The following NXPH4 variants were observed in gnomAD, a reference collection of about 807,000 sequenced individuals.
The protein encoded by NXPH4 is neurexophilin-4.
A neutral mutation model predicts 21.3 loss-of-function variants in NXPH4; 8 were observed. The observed-to-expected ratio is 0.38, with a 90% CI of 0.22 to 0.68. The LOEUF is 0.68. Among genes scored for constraint, NXPH4 ranks in the 30% least tolerant of loss-of-function variants. The pLI, the probability that NXPH4 is intolerant of heterozygous loss-of-function variation, is 0.53. For missense variants in NXPH4, 418 were observed against 416.8 expected, an observed-to-expected ratio of 1.00 and a Z score of -0.03; for synonymous variants, 219 against 192.6, an observed-to-expected ratio of 1.14 and a Z score of -1.13.
At chr12:57,223,524 C>T (rs994989135) in intron 1 of NXPH4, among the ~76,000 whole-genome samples, 3 of 152,180 alleles carry the variant, frequency 2.0e-5, no homozygotes, top group African/African-American at 4.8e-5. Context: ...CGGCCACACA[C>T]ACACAACCAT....
rs1565764176 is a variant in NXPH4 at position 57,224,953 on chromosome 12, G to A, written c.133G>A (p.Ala45Thr). The A allele has an allele frequency of 1.4e-6, 2 of 1,401,330 alleles. No homozygotes were observed. The highest frequency in any genetic ancestry group is 9.3e-7 in the Non-Finnish European group (1 of 1,075,110). The allele number at this position is 1,401,330 out of a possible 1,614,324, so 86.8% of individuals were successfully genotyped here. A position where few individuals can be genotyped will look rare whatever the true frequency, so the allele number is the denominator to read the frequency against. ...GLRPAAAGAGAPGQQLPEPRS... is the reference protein window; with the variant it reads ...GLRPAAAGAGTPGQQLPEPRS... ...GCGCCCCGCCGCGGCCGGAGCGGGTGCCCCCGGCCAGCAGCTCCCAGAGCC... is the reference window on the plus strand; with the variant it reads ...GCGCCCCGCCGCGGCCGGAGCGGGTACCCCCGGCCAGCAGCTCCCAGAGCC... Residue 45 changes from alanine to threonine, a missense_variant, in exon 2 of 2, where the codon GCC becomes ACC. Ala to Thr is a moderately conservative substitution (Grantham distance 58). Coordinates refer to ENST00000349394, the MANE Select transcript of NXPH4 (RefSeq NM_007224.4).
At chr12:57,222,937 G>T (rs1478390829) in intron 1 of NXPH4, among the ~76,000 whole-genome samples, 1 of 152,170 alleles carries the variant, frequency 6.6e-6, no homozygotes, top group Non-Finnish European at 1.5e-5. Flanking sequence ...CCAGGCGGTG[G>T]AGATTCTAGC....
At position 57,224,956 on chromosome 12, in the gene NXPH4, C is replaced by G. The variant is rs2136772900; in HGVS notation, c.136C>G (p.Pro46Ala). ...CCCCGCCGCGGCCGGAGCGGGTGCC[C>G]CCGGCCAGCAGCTCCCAGAGCCAAG... The part of the protein sequence containing the change: ...LRPAAAGAGA[P>A]GQQLPEPRSS... The change falls in exon 2 of 2, where the codon CCC becomes GCC. Residue 46 changes from proline (P) to alanine (A), a missense_variant. Coordinates refer to ENST00000349394, the MANE Select transcript of NXPH4 (RefSeq NM_007224.4). 7.1e-7 allele frequency: 1 copy of G among 1,412,296 alleles called. No homozygotes were observed. The highest frequency in any genetic ancestry group is 2.9e-5 in the East Asian group (1 of 34,986). 87.5% of individuals were successfully genotyped at this position (1,412,296 alleles called of 1,614,324 possible).
At position 57,225,851 on chromosome 12, in the gene NXPH4, C is replaced by T; in HGVS notation, c.*104C>T. The T allele has an allele frequency of 6.7e-7, 1 of 1,503,036 alleles. No homozygotes were observed. The allele number at this position is 1,503,036 out of a possible 1,614,324, so 93.1% of individuals were successfully genotyped here. ...GCTCCTGTGGCCATGTCGCCCACTCCTTCCACTCTGGGGGCGGAGGGGAAT... is the reference window on the plus strand; with the variant it reads ...GCTCCTGTGGCCATGTCGCCCACTCTTTCCACTCTGGGGGCGGAGGGGAAT... On this transcript the variant is annotated 3_prime_UTR_variant, in exon 2 of 2. Transcript: ENST00000349394.
chr12:57,224,089 CTTTCTT>C (rs762250544), intron 1 of NXPH4, among the ~76,000 whole-genome samples: 21 of 152,298 alleles, frequency 1.4e-4, no homozygotes, highest in South Asian at 8.3e-4. Context: ...CCTGGAGCCT[CTTTCTT>C]TTTCTTTTTC....
chr12:57,225,687 A>C lies in NXPH4; in HGVS notation c.867A>C (p.Lys289Asn). ...IFVSFLSFDY[K>N]LVQKVCPDYN... The stretch of plus-strand genomic sequence containing the variant: ...TCTCTTTCCTCAGCTTTGACTACAA[A>C]CTGGTGCAGAAGGTGTGCCCAGACT... Residue 289 changes from lysine to asparagine, a missense_variant, in exon 2 of 2, where the codon AAA (lysine) becomes AAC (asparagine). Coordinates refer to ENST00000349394, the MANE Select transcript of NXPH4 (RefSeq NM_007224.4). 2 of 1,613,744 alleles carry C rather than the reference A, an allele frequency of 1.2e-6. No homozygotes were observed. Among genetic ancestry groups the C allele is most frequent in the Non-Finnish European group, 1.7e-6 (2 of 1,179,968 alleles).
intron 1 of NXPH4, among the ~76,000 whole-genome samples, 175 bp downstream of exon 1, chr12:57,217,201 A>C (rs2037048523): frequency 6.6e-6 from 1 of 152,124 alleles, no homozygotes; most frequent in African/African-American, 2.4e-5. Flanking sequence ...GCACTCTCCT[A>C]GCGCAAGTTG....
chr12:57,220,799 A>T (rs922677011), intron 1 of NXPH4, among the ~76,000 whole-genome samples: 22 of 151,456 alleles, frequency 1.5e-4, no homozygotes, highest in Non-Finnish European at 1.3e-4. Flanking sequence ...TCTCCCTTTG[A>T]GTCTTCCATC....
intron 1 of NXPH4, among the ~76,000 whole-genome samples, chr12:57,223,018 A>AG (rs1235805911): frequency 2.6e-5 from 4 of 152,238 alleles, no homozygotes; most frequent in Non-Finnish European, 5.9e-5. Flanking sequence ...GGGCAAACAG[A>AG]GGGGGGCACC....
intron 1 of NXPH4, among the ~76,000 whole-genome samples, chr12:57,223,151 G>A (rs1381669259): frequency 6.6e-6 from 1 of 152,106 alleles, no homozygotes; most frequent in Non-Finnish European, 1.5e-5. Flanking sequence ...AACACAGCAA[G>A]ACCACACTTG....
rs1440149092 is a variant in NXPH4, at chr12:57,217,037, C to T, written c.57+11C>T. The T allele has an allele frequency of 3.1e-6, 5 of 1,598,426 alleles. No individual in the cohort carries two copies. Among genetic ancestry groups the T allele is most frequent in the African/African-American group, 1.3e-5 (1 of 74,142 alleles). ...TGGCTCCTTAGGAAGGTAAGAGTGG[C>T]AGGGCTGGGGCGCTAGCGCGGGCGC... On this transcript the variant is annotated intron_variant, in intron 1 of 1. Transcript: ENST00000349394.
chr12:57,221,202 A>C, intron 1 of NXPH4: 11 of 385,536 alleles, frequency 2.9e-5, no homozygotes, highest in Non-Finnish European at 3.8e-5. Context: ...CCTCACCCAC[A>C]TCTCTATCCC....
At chr12:57,220,736 T>C (rs1345344635) in intron 1 of NXPH4, among the ~76,000 whole-genome samples, 2 of 151,840 alleles carry the variant, frequency 1.3e-5, no homozygotes, top group Admixed American at 6.6e-5. Flanking sequence ...CCTCAGCCCC[T>C]GTCTCTGTCC....
chr12:57,218,817 G>A (rs1451672562), intron 1 of NXPH4, among the ~76,000 whole-genome samples: 1 of 152,236 alleles, frequency 6.6e-6, no homozygotes, highest in Non-Finnish European at 1.5e-5. Flanking sequence ...ACGGGGAGGT[G>A]TGGGTATATG....
rs1229460145 is a variant in NXPH4, at chr12:57,224,934, C to T, written c.114C>T (p.Pro38=). ...GGCCGCAGTACCTGGGGCTGCGCCC[C>T]GCCGCGGCCGGAGCGGGTGCCCCCG... is the stretch of plus-strand genomic sequence containing the variant. The part of the protein sequence containing the change: ...SGRPQYLGLR[P]AAAGAGAPGQ... The change falls in exon 2 of 2, where the codon CCC becomes CCT. Residue 38 remains proline (P), a synonymous_variant. Transcript: ENST00000349394. 7.3e-7 allele frequency: 1 copy of T among 1,378,138 alleles called. No homozygotes were observed. The highest frequency in any genetic ancestry group is 9.5e-7 in the Non-Finnish European group (1 of 1,057,250). 85.4% of individuals were successfully genotyped at this position (1,378,138 alleles called of 1,614,324 possible). A position where few individuals can be genotyped will look rare whatever the true frequency, so the allele number is the denominator to read the frequency against.
At chr12:57,222,102 A>G (rs961092445) in intron 1 of NXPH4, among the ~76,000 whole-genome samples, 1 of 151,998 alleles carries the variant, frequency 6.6e-6, no homozygotes, top group Non-Finnish European at 1.5e-5. Flanking sequence ...CCATGTTCCC[A>G]TTTCTCGGCT....
At chr12:57,217,502 A>G (rs113397893) in intron 1 of NXPH4, among the ~76,000 whole-genome samples, 8,883 of 152,264 alleles carry the variant, frequency 0.058, 340 homozygotes, top group Middle Eastern at 0.12. Context: ...TGGCCCGAGC[A>G]CACACGCACA....
At chr12:57,218,953 T>C (rs2136766583) in intron 1 of NXPH4, among the ~76,000 whole-genome samples, 1 of 145,704 alleles carries the variant, frequency 6.9e-6, no homozygotes, top group East Asian at 2.0e-4. Flanking sequence ...TGTATGAGTC[T>C]CTGGGGTTTG....
intron 1 of NXPH4, 45 bp downstream of exon 1, chr12:57,217,071 G>A (rs1208777805): frequency 1.3e-6 from 2 of 1,525,934 alleles, no homozygotes; most frequent in Admixed American, 1.9e-5. Context: ...GCGGGGTTCC[G>A]GGACGCGAAG....
Sources: allele counts gnomAD v4.1 joint callset (sites outside exome capture counted in the v4.1 genomes callset), GRCh38; gene constraint gnomAD v4.1.1; transcripts MANE v1.5; gene names NCBI Gene and HGNC (gene_info 2026-07-23, HGNC 2026-07-21).